The following NAALADL2 variants were observed in gnomAD, a reference collection of about 807,000 sequenced individuals.
The protein encoded by NAALADL2 is N-acetylated alpha-linked acidic dipeptidase like 2.
Under a neutral mutation model 87.2 loss-of-function variants are expected in NAALADL2, and 76 were observed. The observed-to-expected ratio is 0.87, with a 90% CI of 0.72 to 1.05. The LOEUF is 1.05. Among genes scored for constraint, NAALADL2 ranks in the 50% least tolerant of loss-of-function variants. The pLI is 0.00. For missense variants in NAALADL2, 1,089 were observed against 945.8 expected, an observed-to-expected ratio of 1.15 and a Z score of -1.99; for synonymous variants, 354 against 331.0, an observed-to-expected ratio of 1.07 and a Z score of -0.75.
At chr3:174,785,171 C>G (rs916102265) in intron 3 of NAALADL2, among the ~76,000 whole-genome samples, 1 of 152,102 alleles carries the variant, frequency 6.6e-6, no homozygotes, top group Non-Finnish European at 1.5e-5. Flanking sequence ...GAGCCCTTCC[C>G]CTCCTTCTAC....
chr3:175,096,894 T>A lies in NAALADL2; in HGVS notation c.148T>A (p.Trp50Arg), dbSNP rs191802652. Residue 50 changes from tryptophan to arginine, a missense_variant, in exon 2 of 14, where the codon TGG becomes AGG. Physicochemically the swap from Trp to Arg is moderately radical, Grantham distance 101. Transcript: ENST00000454872. ...DLQATALDLE[W>R]DMEKELEESG... The stretch of plus-strand genomic sequence containing the variant: ...TCAAGCCACTGCCCTTGACTTAGAG[T>A]GGGACATGGAGAAGGAACTAGAGGA... 1.8e-4 allele frequency: 289 copies of A among 1,613,186 alleles called. 2 individuals are homozygous for A. Among genetic ancestry groups the A allele is most frequent in the Non-Finnish European group, 3.8e-5 (45 of 1,179,564 alleles).
intron 2 of NAALADL2, among the ~76,000 whole-genome samples, chr3:174,579,023 CAG>C (rs1166062656): frequency 6.6e-6 from 1 of 151,828 alleles, no homozygotes; most frequent in Non-Finnish European, 1.5e-5. Context: ...AATCAATTGT[CAG>C]GGAAATAAGA....
Position 174,859,413 on chromosome 3 carries a change from A to G in NAALADL2, c.6A>G (p.Gly2=), listed in dbSNP as rs544759890. 6.8e-6 allele frequency: 11 copies of G among 1,609,496 alleles called. No individual in the cohort carries two copies. The highest frequency in any genetic ancestry group is 1.7e-4 in the Middle Eastern group (1 of 6,054). Residue 2 remains glycine (G), a synonymous_variant, in exon 1 of 14, where the codon GGA becomes GGG. Transcript: ENST00000454872. ...CTTTAAAAAGAAATAATAAAATGGGAGAGAATGAAGCAAGTTTACCTAACA... is the reference window on the plus strand; with the variant it reads ...CTTTAAAAAGAAATAATAAAATGGGGGAGAATGAAGCAAGTTTACCTAACA... The part of the protein sequence containing the change: M[G]ENEASLPNTS...
chr3:175,009,091 A>C (rs1749441835), intron 1 of NAALADL2, among the ~76,000 whole-genome samples: 1 of 152,164 alleles, frequency 6.6e-6, no homozygotes, highest in African/African-American at 2.4e-5. Context: ...TGGCTGTTTC[A>C]GAACCACGTG....
intron 9 of NAALADL2, among the ~76,000 whole-genome samples, chr3:175,498,467 T>C (rs971077103): frequency 4.6e-5 from 7 of 152,072 alleles, no homozygotes; most frequent in African/African-American, 1.7e-4. Context: ...TTTACAACCT[T>C]GCCTATGACT....
intron 3 of NAALADL2, among the ~76,000 whole-genome samples, chr3:174,830,034 A>G (rs1191164858): frequency 4.1e-5 from 5 of 123,416 alleles, no homozygotes; most frequent in Admixed American, 8.2e-5. Flanking sequence ...TCAGATGAGT[A>G]GGTTGTGAAA....
chr3:175,612,571 A>G (rs1724794896), intron 10 of NAALADL2, among the ~76,000 whole-genome samples: 1 of 152,176 alleles, frequency 6.6e-6, no homozygotes, highest in South Asian at 2.1e-4. Context: ...CTTAACTTTA[A>G]GACCTTTAAA....
intron 9 of NAALADL2, among the ~76,000 whole-genome samples, chr3:175,574,193 A>G (rs1045628179): frequency 6.6e-6 from 1 of 152,204 alleles, no homozygotes; most frequent in African/African-American, 2.4e-5. Context: ...TTAGCAAAAG[A>G]CATGGTGATC....
intron 1 of NAALADL2, among the ~76,000 whole-genome samples, chr3:174,864,251 G>C (rs1280004735): frequency 6.6e-6 from 1 of 152,042 alleles, no homozygotes; most frequent in Admixed American, 6.6e-5. Flanking sequence ...TCAACTAACT[G>C]AGCTTATGAG....
chr3:175,011,529 A>G (rs1186756727), intron 1 of NAALADL2, among the ~76,000 whole-genome samples: 1 of 152,170 alleles, frequency 6.6e-6, no homozygotes. Flanking sequence ...GAGTTGGAGA[A>G]ATGATGGTGT....
intron 5 of NAALADL2, among the ~76,000 whole-genome samples, chr3:175,446,198 A>G (rs1359555142): frequency 6.7e-6 from 1 of 149,232 alleles, no homozygotes; most frequent in East Asian, 2.0e-4. Flanking sequence ...TCTGTATGCC[A>G]AAAGAGAAAA....
intron 2 of NAALADL2, among the ~76,000 whole-genome samples, chr3:174,671,472 T>G (rs1344519458): frequency 6.6e-6 from 1 of 152,072 alleles, no homozygotes; most frequent in Non-Finnish European, 1.5e-5. Flanking sequence ...GGCTTGGGGC[T>G]TAGTTAGGAC....
At chr3:175,213,268 A>G (rs1225267498) in intron 2 of NAALADL2, among the ~76,000 whole-genome samples, 1 of 152,036 alleles carries the variant, frequency 6.6e-6, no homozygotes, top group East Asian at 1.9e-4. Context: ...GAAAATAGAG[A>G]TAGGCTGTGA....
intron 3 of NAALADL2, among the ~76,000 whole-genome samples, chr3:174,764,938 GAC>G (rs1713574140): frequency 1.3e-5 from 2 of 152,016 alleles, no homozygotes; most frequent in Admixed American, 1.3e-4. Context: ...AGCAATTAGA[GAC>G]AAACATTGTT....
At chr3:174,981,015 A>C (rs548024645) in intron 1 of NAALADL2, among the ~76,000 whole-genome samples, 1 of 152,340 alleles carries the variant, frequency 6.6e-6, no homozygotes, top group South Asian at 2.1e-4. Flanking sequence ...ATAAAAATAA[A>C]GCCCTAGGGT....
At chr3:175,699,064 T>C (rs1379631840) in intron 11 of NAALADL2, among the ~76,000 whole-genome samples, 1 of 151,912 alleles carries the variant, frequency 6.6e-6, no homozygotes, top group Non-Finnish European at 1.5e-5. Flanking sequence ...TACTTTTCCT[T>C]TACATATTTA....
chr3:175,674,860 G>A (rs62284548), intron 11 of NAALADL2, among the ~76,000 whole-genome samples: 50,422 of 151,948 alleles, frequency 0.33, 13,096 homozygotes, highest in African/African-American at 0.73. Context: ...TTGTGAAAAC[G>A]CTACTGTATT....
intron 5 of NAALADL2, among the ~76,000 whole-genome samples, chr3:175,387,671 C>T (rs1320954007): frequency 6.6e-6 from 1 of 151,906 alleles, no homozygotes; most frequent in East Asian, 1.9e-4. Context: ...GTTGAATATA[C>T]TAAAAGAATG....
intron 11 of NAALADL2, among the ~76,000 whole-genome samples, chr3:175,731,726 T>G (rs1743780237): frequency 6.6e-6 from 1 of 152,186 alleles, no homozygotes; most frequent in South Asian, 2.1e-4. Flanking sequence ...CAATCTTTGT[T>G]GCCAGAAGGT....
Sources: allele counts gnomAD v4.1 joint callset (sites outside exome capture counted in the v4.1 genomes callset), GRCh38; gene constraint gnomAD v4.1.1; transcripts MANE v1.5; gene names NCBI Gene and HGNC (gene_info 2026-07-23, HGNC 2026-07-21).